Variants in NICOL1 observed in about 807,000 individuals in gnomAD.
NICOL1 encodes NELL2 interacting cell ontogeny regulator 1, also known as NELL2-interacting cell ontogeny regulator 1.
the NICOL1 span, chr4:2,042,540 G>A: frequency 2.3e-6 from 1 of 441,788 alleles, no homozygotes; most frequent in Non-Finnish European, 4.0e-6. Context: ...ACAGGGGCGT[G>A]CGGGGCCGGG....
the NICOL1 span, among the ~76,000 whole-genome samples, chr4:2,040,164 T>C: frequency 2.0e-5 from 3 of 152,274 alleles, no homozygotes; most frequent in Non-Finnish European, 4.4e-5. Context: ...TGGAGTGCAG[T>C]GGTGTGATCT....
chr4:2,039,381 T>A, the NICOL1 span, among the ~76,000 whole-genome samples: 1 of 151,474 alleles, frequency 6.6e-6, no homozygotes, highest in Non-Finnish European at 1.5e-5. Flanking sequence ...ACCACTGTAC[T>A]CTAGCCTGGG....
At chr4:2,041,328 G>A in the NICOL1 span, among the ~76,000 whole-genome samples, 1 of 152,198 alleles carries the variant, frequency 6.6e-6, no homozygotes, top group African/African-American at 2.4e-5. Flanking sequence ...TGGCTGCACG[G>A]CGCTCTTTAA....
chr4:2,042,172 G>T, the NICOL1 span: 1 of 1,450,834 alleles, frequency 6.9e-7, no homozygotes, highest in Non-Finnish European at 9.0e-7. Flanking sequence ...TCGGGGAACC[G>T]GAGGTGGGGA....
the NICOL1 span, among the ~76,000 whole-genome samples, chr4:2,038,287 A>G: frequency 2.4e-4 from 30 of 126,534 alleles, no homozygotes; most frequent in South Asian, 7.9e-3. Flanking sequence ...ATATATATAA[A>G]ATTAAAATTT....
the NICOL1 span, among the ~76,000 whole-genome samples, chr4:2,038,237 G>GTGTGTGTATATATATA: frequency 3.3e-5 from 3 of 91,468 alleles, no homozygotes; most frequent in Admixed American, 1.3e-4. Flanking sequence ...TGATCAGTGT[G>GTGTGTGTATATATATA]TATATATATA....
At chr4:2,038,877 T>TTAAAA in the NICOL1 span, among the ~76,000 whole-genome samples, 3 of 152,190 alleles carry the variant, frequency 2.0e-5, no homozygotes, top group African/African-American at 7.2e-5. Flanking sequence ...TAGAACTGGG[T>TTAAAA]TAAAATGTTT....
At chr4:2,038,232 A>AGT in the NICOL1 span, among the ~76,000 whole-genome samples, 2,803 of 96,196 alleles carry the variant, frequency 0.029, 155 homozygotes, top group African/African-American at 0.049. Flanking sequence ...TTAAGTGATC[A>AGT]GTGTGTATAT....
the NICOL1 span, among the ~76,000 whole-genome samples, chr4:2,043,366 A>C: frequency 2.6e-5 from 4 of 152,100 alleles, no homozygotes; most frequent in African/African-American, 4.8e-5. Context: ...GCCGGGGCTC[A>C]AGCTTCTTCC....
chr4:2,042,173 G>A, the NICOL1 span: 1 of 1,440,244 alleles, frequency 6.9e-7, no homozygotes. Flanking sequence ...CGGGGAACCG[G>A]AGGTGGGGAG....
chr4:2,039,452 C>A, the NICOL1 span, among the ~76,000 whole-genome samples: 1 of 152,106 alleles, frequency 6.6e-6, no homozygotes, highest in African/African-American at 2.4e-5. Context: ...ACAGAGAGAC[C>A]TGTCTCTAAA....
At chr4:2,042,158 G>A in the NICOL1 span, 1 of 1,455,482 alleles carries the variant, frequency 6.9e-7, no homozygotes. Flanking sequence ...CCGGCGGACT[G>A]GAGTCGGGGA....
At chr4:2,039,870 T>A in the NICOL1 span, among the ~76,000 whole-genome samples, 1 of 152,034 alleles carries the variant, frequency 6.6e-6, no homozygotes, top group African/African-American at 2.4e-5. Flanking sequence ...AATTAATATA[T>A]ATAATTCTGT....
the NICOL1 span, among the ~76,000 whole-genome samples, chr4:2,037,084 T>G: frequency 6.6e-6 from 1 of 152,024 alleles, no homozygotes; most frequent in Admixed American, 6.6e-5. Flanking sequence ...TCTCACGAGA[T>G]CTTGTTTAAA....
the NICOL1 span, chr4:2,041,930 G>T: frequency 7.0e-7 from 1 of 1,421,246 alleles, no homozygotes; most frequent in African/African-American, 1.5e-5. Context: ...CGCGGCCAGC[G>T]CAGTCTCGGG....
At chr4:2,037,907 TAA>T in the NICOL1 span, among the ~76,000 whole-genome samples, 1 of 151,516 alleles carries the variant, frequency 6.6e-6, no homozygotes, top group Non-Finnish European at 1.5e-5. Context: ...TTTTGATACA[TAA>T]GTTTTCAGCA....
the NICOL1 span, among the ~76,000 whole-genome samples, chr4:2,041,151 G>T: frequency 2.2e-5 from 2 of 90,494 alleles, no homozygotes; most frequent in South Asian, 6.3e-4. Flanking sequence ...TGGGTGGGGT[G>T]GGGGGGGAGC....
the NICOL1 span, among the ~76,000 whole-genome samples, chr4:2,041,478 G>C: frequency 6.6e-6 from 1 of 152,182 alleles, no homozygotes; most frequent in African/African-American, 2.4e-5. Flanking sequence ...GGGGTGGGTA[G>C]CCGGGAGGGA....
the NICOL1 span, among the ~76,000 whole-genome samples, chr4:2,037,230 A>G: frequency 6.6e-6 from 1 of 152,164 alleles, no homozygotes; most frequent in African/African-American, 2.4e-5. Flanking sequence ...TATCCTGCAG[A>G]ACTGTGAGTC....
Sources: gnomAD v4.1 joint callset for allele counts (sites outside exome capture counted in the v4.1 genomes callset) on GRCh38, gnomAD v4.1.1 for gene constraint, MANE v1.5 for transcripts, NCBI Gene and HGNC (gene_info 2026-07-23, HGNC 2026-07-21) for gene names.